NAALADL2: variants seen among roughly 807,000 people sequenced by gnomAD.
NAALADL2 encodes the protein N-acetylated alpha-linked acidic dipeptidase like 2.
A neutral mutation model predicts 87.2 loss-of-function variants in NAALADL2; 76 were observed. The ratio of observed to expected loss-of-function variants is 0.87; its 90% CI spans 0.72 to 1.05. The LOEUF (loss-of-function observed/expected upper bound fraction) is 1.05. Among genes scored for constraint, NAALADL2 ranks in the 50% least tolerant of loss-of-function variants. The probability of loss-of-function intolerance (pLI) is 0.00; values close to 1 mark genes in which losing one functional copy is unlikely to be tolerated. For synonymous variants in NAALADL2, 354 were observed against 331.0 expected, an observed-to-expected ratio of 1.07 and a Z score of -0.75; for missense variants, 1,089 against 945.8, an observed-to-expected ratio of 1.15 and a Z score of -1.99.
chr3:175,600,103 T>A (rs1045416454), intron 10 of NAALADL2, among the ~76,000 whole-genome samples: 3 of 152,030 alleles, frequency 2.0e-5, no homozygotes, highest in Non-Finnish European at 4.4e-5. Flanking sequence ...TGTGCATGTA[T>A]ATTTTATATT....
intron 1 of NAALADL2, among the ~76,000 whole-genome samples, chr3:174,443,397 G>C (rs1179438160): frequency 6.6e-6 from 1 of 152,198 alleles, no homozygotes; most frequent in African/African-American, 2.4e-5. Flanking sequence ...AGAAATTAAG[G>C]AGAATGTAAT....
chr3:175,737,609 C>A (rs748755997), intron 12 of NAALADL2, among the ~76,000 whole-genome samples: 2 of 149,598 alleles, frequency 1.3e-5, no homozygotes, highest in African/African-American at 4.9e-5. Context: ...TGGAGAATAT[C>A]AGATTTTGAA....
chr3:174,603,323 A>G (rs1038592362), intron 2 of NAALADL2, among the ~76,000 whole-genome samples: 2 of 151,734 alleles, frequency 1.3e-5, no homozygotes, highest in South Asian at 2.1e-4. Flanking sequence ...GGATTTCTTC[A>G]TGGTTTCATC....
At chr3:175,347,094 A>G (rs528537099) in intron 5 of NAALADL2, among the ~76,000 whole-genome samples, 82 of 152,278 alleles carry the variant, frequency 5.4e-4, no homozygotes, top group African/African-American at 1.8e-3. Flanking sequence ...TGCTGCTATT[A>G]CATTGGGCTG....
intron 13 of NAALADL2, among the ~76,000 whole-genome samples, chr3:175,758,332 A>G (rs1267886893): frequency 1.3e-5 from 2 of 151,970 alleles, no homozygotes; most frequent in African/African-American, 4.8e-5. Flanking sequence ...TACTATAGTT[A>G]TTGAAGGAAT....
intron 1 of NAALADL2, among the ~76,000 whole-genome samples, chr3:174,994,746 G>A (rs571618429): frequency 6.6e-6 from 1 of 152,242 alleles, no homozygotes; most frequent in African/African-American, 2.4e-5. Flanking sequence ...ACTAATCTTA[G>A]TCTATTTCCG....
chr3:174,912,925 G>T (rs1017021962), intron 1 of NAALADL2, among the ~76,000 whole-genome samples: 1 of 152,028 alleles, frequency 6.6e-6, no homozygotes, highest in East Asian at 1.9e-4. Context: ...CTTTCAAAGT[G>T]CCCTAATGTA....
At chr3:175,742,367 A>G (rs1745339363) in intron 12 of NAALADL2, among the ~76,000 whole-genome samples, 1 of 151,200 alleles carries the variant, frequency 6.6e-6, no homozygotes, top group Non-Finnish European at 1.5e-5. Flanking sequence ...ACGAATTTAT[A>G]TAATGTAAGT....
At chr3:174,531,663 T>C (rs1233828570) in intron 1 of NAALADL2, among the ~76,000 whole-genome samples, 1 of 152,198 alleles carries the variant, frequency 6.6e-6, no homozygotes, top group African/African-American at 2.4e-5. Context: ...CAAAGTAAGA[T>C]GATTTATTTG....
At chr3:174,910,544 T>A (rs1481956736) in intron 1 of NAALADL2, among the ~76,000 whole-genome samples, 1 of 151,992 alleles carries the variant, frequency 6.6e-6, no homozygotes, top group Non-Finnish European at 1.5e-5. Context: ...AGGTAATTTA[T>A]TTGGTTTTAA....
In NAALADL2 at chr3:175,198,541, C is replaced by T. The variant is rs566567743; in HGVS notation, c.546-35390C>T. On this transcript the variant is annotated intron_variant, in intron 2 of 13. Transcript: ENST00000454872. ...CACACTTCTAGGATTTATACACTCA[C>T]GTAATTCCAATATATAGTTAGTACT... is the stretch of plus-strand genomic sequence containing the variant. 4.6e-5 allele frequency among the ~76,000 whole-genome samples: 7 copies of T among 152,096 alleles called. No individual in the cohort carries two copies. In the East Asian group the frequency reaches 7.7e-4, roughly 17 times the overall value.
chr3:175,021,342 A>G (rs532050929), intron 1 of NAALADL2, among the ~76,000 whole-genome samples: 4 of 152,188 alleles, frequency 2.6e-5, no homozygotes, highest in Admixed American at 2.6e-4. Flanking sequence ...CAAAGTATAC[A>G]TGGTCAATAA....
At chr3:175,670,520 T>C (rs866941529) in intron 11 of NAALADL2, among the ~76,000 whole-genome samples, 42 of 135,240 alleles carry the variant, frequency 3.1e-4, no homozygotes, top group African/African-American at 1.2e-3. Context: ...TAAATTTATA[T>C]TAAATGTAAA....
chr3:175,258,416 C>T (rs1750453315), intron 4 of NAALADL2, among the ~76,000 whole-genome samples: 2 of 151,282 alleles, frequency 1.3e-5, no homozygotes, highest in Non-Finnish European at 2.9e-5. Flanking sequence ...TGTATACTTG[C>T]CTGTGTGGGG....
intron 2 of NAALADL2, among the ~76,000 whole-genome samples, chr3:175,224,914 C>A (rs535966817): frequency 6.6e-6 from 1 of 151,982 alleles, no homozygotes; most frequent in Non-Finnish European, 1.5e-5. Flanking sequence ...AGATTGATTT[C>A]GATGTATTTC....
chr3:174,833,923 A>G (rs1405697122), intron 3 of NAALADL2, among the ~76,000 whole-genome samples: 2 of 151,072 alleles, frequency 1.3e-5, no homozygotes, highest in Non-Finnish European at 3.0e-5. Flanking sequence ...ATGGGCACCT[A>G]CATAAACCTA....
intron 8 of NAALADL2, among the ~76,000 whole-genome samples, chr3:175,468,860 G>A (rs568290099): frequency 1.0e-3 from 152 of 152,070 alleles, no homozygotes; most frequent in Non-Finnish European, 1.8e-3. Flanking sequence ...GATAGTTTTT[G>A]TCAAAGTAAG....
chr3:175,643,517 C>A (rs1282162530), intron 11 of NAALADL2, among the ~76,000 whole-genome samples: 1 of 152,184 alleles, frequency 6.6e-6, no homozygotes, highest in Non-Finnish European at 1.5e-5. Context: ...AGGAAGAACA[C>A]TATCTTGACT....
chr3:174,587,386 A>C (rs982111527), intron 2 of NAALADL2, among the ~76,000 whole-genome samples: 4 of 152,092 alleles, frequency 2.6e-5, no homozygotes, highest in African/African-American at 7.2e-5. Flanking sequence ...TTTAAGGTTA[A>C]TATTGTTATG....
Sources: allele counts gnomAD v4.1 joint callset (sites outside exome capture counted in the v4.1 genomes callset), GRCh38; gene constraint gnomAD v4.1.1; transcripts MANE v1.5; gene names NCBI Gene and HGNC (gene_info 2026-07-23, HGNC 2026-07-21).